Variants in APP observed in about 807,000 individuals in gnomAD.
The protein encoded by APP is amyloid beta precursor protein, also known as amyloid-beta precursor protein.
A neutral mutation model predicts 101.4 loss-of-function variants in APP; 31 were observed. The observed-to-expected ratio is 0.31, with a 90% confidence interval of 0.23 to 0.41. The LOEUF is 0.41. APP is among the 10% of genes least tolerant of loss of function. The pLI is 1.00. For missense variants in APP, 839 were observed against 1,003.7 expected, an observed-to-expected ratio of 0.84 and a Z score of 2.22; for synonymous variants, 366 against 364.4, an observed-to-expected ratio of 1.00 and a Z score of -0.05.
At chr21:26,117,513 A>G (rs1039868507) in intron 1 of APP, among the ~76,000 whole-genome samples, 1 of 152,220 alleles carries the variant, frequency 6.6e-6, no homozygotes, top group African/African-American at 2.4e-5. Flanking sequence ...AAAGTGGACC[A>G]TAAGAGGGAG....
chr21:26,124,380 T>TA (rs2062638810), intron 1 of APP, among the ~76,000 whole-genome samples: 1 of 152,332 alleles, frequency 6.6e-6, no homozygotes, highest in African/African-American at 2.4e-5. Context: ...CAAGAAGGCT[T>TA]AAAAAGCAAG....
chr21:25,981,776 A>T (rs1364038014), intron 9 of APP, among the ~76,000 whole-genome samples: 1 of 150,444 alleles, frequency 6.6e-6, no homozygotes, highest in Non-Finnish European at 1.5e-5. Flanking sequence ...GGAGCAAGAA[A>T]GGCCTGGATT....
At chr21:25,982,298 G>A (rs1324632397) in intron 9 of APP, 46 bp downstream of exon 9, 2 of 1,607,910 alleles carry the variant, frequency 1.2e-6, no homozygotes, top group Admixed American at 3.3e-5. Flanking sequence ...GGCAAGCTCA[G>A]GTTTCCCAAT....
chr21:26,111,637 T>G (rs2062327191), intron 2 of APP, among the ~76,000 whole-genome samples: 1 of 152,066 alleles, frequency 6.6e-6, no homozygotes, highest in East Asian at 1.9e-4. Context: ...CTTGGGAGGC[T>G]GAGGTGGGAG....
chr21:26,118,771 C>T (rs2062494526), intron 1 of APP, among the ~76,000 whole-genome samples: 1 of 151,960 alleles, frequency 6.6e-6, no homozygotes, highest in South Asian at 2.1e-4. Context: ...CACTCCTGAC[C>T]TCAAGTGATC....
chr21:26,029,333 GGAAAGCAAA>G (rs3838072), intron 5 of APP, among the ~76,000 whole-genome samples: 15,679 of 152,100 alleles, frequency 0.1, 1,262 homozygotes, highest in East Asian at 0.29. Context: ...GGGGTACACT[GGAAAGCAAA>G]GGTGGCTCAC....
chr21:25,901,292 GT>G (rs869137138), intron 15 of APP, among the ~76,000 whole-genome samples: 7,379 of 59,882 alleles, frequency 0.12, 484 homozygotes, highest in East Asian at 0.25. Context: ...GACAAATCCT[GT>G]TTTAAAAAAA....
chr21:25,983,779 G>T (rs1214391012), intron 8 of APP, among the ~76,000 whole-genome samples: 5 of 152,180 alleles, frequency 3.3e-5, no homozygotes, highest in Non-Finnish European at 7.3e-5. Context: ...TATTCCTGGT[G>T]CCTTTACACA....
chr21:25,881,903 C>T (rs1477539870), intron 17 of APP, 132 bp from the exon 18 acceptor site: 3 of 940,570 alleles, frequency 3.2e-6, no homozygotes, highest in Non-Finnish European at 5.0e-6. Context: ...ATAATTTTCT[C>T]CCCCACTTTG....
intron 1 of APP, among the ~76,000 whole-genome samples, chr21:26,134,993 C>G (rs1300144076): frequency 2.0e-5 from 3 of 152,212 alleles, no homozygotes; most frequent in Admixed American, 6.5e-5. Flanking sequence ...CACCACTCCA[C>G]TTGTCATTTA....
intron 11 of APP, among the ~76,000 whole-genome samples, chr21:25,962,847 G>A (rs537143021): frequency 2.6e-5 from 4 of 152,130 alleles, no homozygotes; most frequent in Non-Finnish European, 5.9e-5. Flanking sequence ...TCACTCTGTC[G>A]CCCAGGCTGG....
At chr21:26,118,470 A>G (rs914141759) in intron 1 of APP, among the ~76,000 whole-genome samples, 2 of 152,162 alleles carry the variant, frequency 1.3e-5, no homozygotes, top group African/African-American at 4.8e-5. Flanking sequence ...CCATACACAT[A>G]CTATATAGTA....
intron 3 of APP, among the ~76,000 whole-genome samples, chr21:26,083,908 T>C (rs759901607): frequency 2.0e-5 from 3 of 152,104 alleles, no homozygotes; most frequent in Non-Finnish European, 4.4e-5. Context: ...TAATGAAGTA[T>C]AAATCACCCA....
intron 13 of APP, among the ~76,000 whole-genome samples, chr21:25,952,228 T>TCACACACA (rs2041117828): frequency 1.0e-5 from 1 of 98,600 alleles, no homozygotes; most frequent in African/African-American, 4.5e-5. Context: ...ACACACACAT[T>TCACACACA]AAGAGCACAT....
chr21:25,972,332 G>GA (rs897033527), intron 11 of APP, among the ~76,000 whole-genome samples: 4 of 150,708 alleles, frequency 2.7e-5, no homozygotes, highest in Non-Finnish European at 4.4e-5. Context: ...TGTAAAAACA[G>GA]AAAAAAAAGA....
chr21:26,098,413 T>C (rs1485367007), intron 2 of APP, among the ~76,000 whole-genome samples: 4 of 152,138 alleles, frequency 2.6e-5, no homozygotes, highest in Middle Eastern at 3.4e-3. Flanking sequence ...AAGACATTGA[T>C]GATATTTAAG....
intron 2 of APP, among the ~76,000 whole-genome samples, chr21:26,104,718 T>C (rs1302248714): frequency 2.0e-5 from 3 of 152,224 alleles, no homozygotes; most frequent in African/African-American, 7.2e-5. Context: ...GCAGAGTAGA[T>C]AATTCACAGT....
chr21:25,917,917 G>GAA (rs138950793), intron 13 of APP, among the ~76,000 whole-genome samples: 2 of 111,812 alleles, frequency 1.8e-5, no homozygotes, highest in Non-Finnish European at 1.9e-5. Flanking sequence ...ACAAACATAT[G>GAA]AAAAAAAAAA....
At chr21:26,167,579 G>A (rs2063645040) in intron 1 of APP, among the ~76,000 whole-genome samples, 1 of 152,240 alleles carries the variant, frequency 6.6e-6, no homozygotes, top group Admixed American at 6.5e-5. Context: ...ACTCTAGTAT[G>A]CAAAAAACAG....
Sources: allele counts gnomAD v4.1 joint callset (sites outside exome capture counted in the v4.1 genomes callset), GRCh38; gene constraint gnomAD v4.1.1; transcripts MANE v1.5; gene names NCBI Gene and HGNC (gene_info 2026-07-23, HGNC 2026-07-21).